The following USP39 variants were observed in gnomAD, a reference collection of about 807,000 sequenced individuals.
USP39 encodes the protein ubiquitin carboxyl-terminal hydrolase 39.
Under a neutral mutation model 66.4 loss-of-function variants are expected in USP39, and 38 were observed. That is an observed-to-expected ratio of 0.57 (90% CI 0.44 to 0.75). The LOEUF (loss-of-function observed/expected upper bound fraction) is 0.75, where lower values mean the gene tolerates loss of function less well. Among genes scored for constraint, USP39 ranks in the 30% least tolerant of loss-of-function variants. USP39 has a pLI of 0.00. For synonymous variants in USP39, 303 were observed against 274.6 expected, an observed-to-expected ratio of 1.10 and a Z score of -1.02; for missense variants, 608 against 714.4, an observed-to-expected ratio of 0.85 and a Z score of 1.70.
At position 85,644,884 on chromosome 2, in the gene USP39, G is replaced by C. The variant is rs141919773; in HGVS notation, c.1428-64G>C. 1.3e-4 allele frequency: 203 copies of C among 1,602,170 alleles called. 1 individual carries two copies. In the East Asian group the frequency reaches 4.1e-3, roughly 32 times the overall value. On this transcript the variant is annotated intron_variant, in intron 10 of 12. Coordinates refer to ENST00000323701, the MANE Select transcript of USP39 (RefSeq NM_006590.4). ...AACAATTTTGTGGTCCGTTTGTGTA[G>C]GACAGTTTCCTTAACCTCACAGCCT... is the stretch of plus-strand genomic sequence containing the variant.
At chr2:85,632,574 A>G (rs887098359) in intron 6 of USP39, among the ~76,000 whole-genome samples, 2 of 151,478 alleles carry the variant, frequency 1.3e-5, no homozygotes, top group Non-Finnish European at 2.9e-5. Flanking sequence ...CAGCCTCCCA[A>G]GTAGCTGGGC....
chr2:85,631,396 A>C (rs1675322873), intron 6 of USP39, among the ~76,000 whole-genome samples: 1 of 147,582 alleles, frequency 6.8e-6, no homozygotes, highest in Admixed American at 6.9e-5. Context: ...AGCTCACTGC[A>C]GCCTTGAACT....
At chr2:85,612,285 A>G, upstream of USP39, 2 of 1,532,928 alleles carry the variant, frequency 1.3e-6, no homozygotes, top group Non-Finnish European at 1.7e-6. Flanking sequence ...AGCTGATACC[A>G]GAACCTTCAG....
upstream of USP39, chr2:85,609,309 C>T: frequency 7.2e-7 from 1 of 1,390,482 alleles, no homozygotes; most frequent in Non-Finnish European, 9.8e-7. Flanking sequence ...GCCCGGCAGG[C>T]CTAGACTCAC....
upstream of USP39, chr2:85,611,845 T>TGGTGGC: frequency 6.3e-7 from 1 of 1,598,048 alleles, no homozygotes; most frequent in Non-Finnish European, 8.5e-7. Context: ...AGGCCAGGAG[T>TGGTGGC]GGTGGCGGCG....
At chr2:85,616,509 G>A in intron 1 of USP39, 46 bp downstream of exon 1, 1 of 1,392,362 alleles carries the variant, frequency 7.2e-7, no homozygotes, top group South Asian at 1.7e-5. Context: ...TGTTTTTTTC[G>A]CGTCCTTTTT....
At chr2:85,609,177 C>A (rs1047765295), upstream of USP39, 9 of 1,443,786 alleles carry the variant, frequency 6.2e-6, no homozygotes, top group Admixed American at 2.2e-5. Flanking sequence ...GGCTTTTTGC[C>A]AGCACCTGTC....
Position 85,636,147 on chromosome 2 carries a change from T to G in USP39, c.1027+17T>G. 1 of 1,610,846 alleles carries G rather than the reference T, an allele frequency of 6.2e-7. No individual in the cohort carries two copies. The highest frequency in any genetic ancestry group is 1.3e-5 in the African/African-American group (1 of 74,774). ...AAAAGAAGAGTAAGTCATTTACTTATAAAAAGGAGTTATTTTGTTCCCTTT... is the reference window on the plus strand; with the variant it reads ...AAAAGAAGAGTAAGTCATTTACTTAGAAAAAGGAGTTATTTTGTTCCCTTT... On this transcript the variant is annotated intron_variant, in intron 7 of 12. Transcript: ENST00000323701.
chr2:85,624,631 A>C (rs1027740541), intron 4 of USP39, among the ~76,000 whole-genome samples: 1 of 152,138 alleles, frequency 6.6e-6, no homozygotes, highest in Non-Finnish European at 1.5e-5. Context: ...TCTACTTGTA[A>C]AAGTTGTATA....
intron 10 of USP39, among the ~76,000 whole-genome samples, chr2:85,641,826 C>T (rs1212215755): frequency 6.7e-6 from 1 of 149,098 alleles, no homozygotes; most frequent in African/African-American, 2.5e-5. Context: ...ATGGCTAGAA[C>T]CTTGGAGATT....
chr2:85,618,803 C>T (rs769415871), intron 1 of USP39, among the ~76,000 whole-genome samples: 3 of 150,736 alleles, frequency 2.0e-5, no homozygotes, highest in Non-Finnish European at 4.4e-5. Context: ...GAGTTTTGCT[C>T]TTGTCGCCCA....
At chr2:85,620,217 A>G (rs1674354103) in intron 2 of USP39, among the ~76,000 whole-genome samples, 1 of 151,068 alleles carries the variant, frequency 6.6e-6, no homozygotes, top group South Asian at 2.1e-4. Context: ...GCTCTGGCTC[A>G]TGCCTGTAAT....
intron 1 of USP39, among the ~76,000 whole-genome samples, chr2:85,605,842 G>A (rs1027298783): frequency 2.6e-5 from 4 of 152,216 alleles, no homozygotes; most frequent in African/African-American, 4.8e-5. Context: ...CATGGAGATG[G>A]AATGTCCCTT....
Position 85,642,116 on chromosome 2 carries a change from C to T in USP39, c.1427+998C>T, listed in dbSNP as rs143366741. Among the ~76,000 whole-genome samples, 203 of 152,010 alleles carry T rather than the reference C, an allele frequency of 1.3e-3. 2 individuals carry two copies. Among genetic ancestry groups the T allele is most frequent in the African/African-American group, 4.7e-3 (196 of 41,444 alleles). ...AGGCTTGGAGTAGATGGGCCTGAGC[C>T]CTAGGGGTTTGTCCAGGTGTAACAT... On this transcript the variant is annotated intron_variant, in intron 10 of 12. Transcript: ENST00000323701.
chr2:85,613,421 A>G (rs1573382965), upstream of USP39, among the ~76,000 whole-genome samples: 1 of 152,158 alleles, frequency 6.6e-6, no homozygotes, highest in Non-Finnish European at 1.5e-5. Context: ...CTGAGGCAGG[A>G]GAATCGCTTG....
chr2:85,611,280 T>G (rs1450427032), upstream of USP39: 3 of 1,414,708 alleles, frequency 2.1e-6, no homozygotes, highest in African/African-American at 4.4e-5. Flanking sequence ...ACCAGTGTGA[T>G]CTCTAGGTAG....
intron 2 of USP39, among the ~76,000 whole-genome samples, chr2:85,620,418 G>A (rs906714190): frequency 6.6e-6 from 1 of 151,756 alleles, no homozygotes; most frequent in African/African-American, 2.4e-5. Context: ...GGTTGAGGCT[G>A]CAGTGAGCTG....
chr2:85,611,292 A>G (rs1000351466), upstream of USP39: 3 of 1,419,568 alleles, frequency 2.1e-6, no homozygotes, highest in South Asian at 1.5e-5. Context: ...TCTAGGTAGC[A>G]GAGAAGCTGG....
intron 1 of USP39, among the ~76,000 whole-genome samples, chr2:85,616,712 C>T (rs1333364642): frequency 2.1e-4 from 28 of 134,448 alleles, no homozygotes; most frequent in Admixed American, 3.4e-4. Context: ...GAGTCTCATT[C>T]TGTCACCCAG....
Sources: gnomAD v4.1 joint callset for allele counts (sites outside exome capture counted in the v4.1 genomes callset) on GRCh38, gnomAD v4.1.1 for gene constraint, MANE v1.5 for transcripts, NCBI Gene and HGNC (gene_info 2026-07-23, HGNC 2026-07-21) for gene names.